Variants in SLC36A1 observed in about 807,000 individuals in gnomAD.
The protein encoded by SLC36A1 is solute carrier family 36 member 1.
In SLC36A1, 30 loss-of-function variants were observed where a neutral mutation model predicts 47.5. The ratio of observed to expected loss-of-function variants is 0.63; its 90% CI spans 0.47 to 0.86. The LOEUF (loss-of-function observed/expected upper bound fraction) is 0.86. SLC36A1 is among the 40% of genes least tolerant of loss of function. SLC36A1 has a pLI of 0.00. For synonymous variants in SLC36A1, 255 were observed against 249.7 expected (o/e 1.02, Z -0.20); for missense variants, 517 against 606.0 (o/e 0.85, Z 1.54).
chr5:151,421,836 C>A, the SLC36A1 span, among the ~76,000 whole-genome samples: 1 of 152,022 alleles, frequency 6.6e-6, no homozygotes, highest in African/African-American at 2.4e-5. Flanking sequence ...GTGATCCACC[C>A]GCCTCAGCCT....
the SLC36A1 span, chr5:151,550,835 G>A: frequency 1.2e-5 from 20 of 1,613,454 alleles, no homozygotes; most frequent in South Asian, 1.8e-4. Flanking sequence ...AACTGGGGCC[G>A]ATGGTGGTTA....
chr5:151,355,811 C>A, the SLC36A1 span, among the ~76,000 whole-genome samples: 1 of 152,092 alleles, frequency 6.6e-6, no homozygotes, highest in African/African-American at 2.4e-5. Context: ...CATACATCTC[C>A]AACTGCAAGA....
At chr5:151,537,205 A>G in the SLC36A1 span, among the ~76,000 whole-genome samples, 1 of 142,610 alleles carries the variant, frequency 7.0e-6, no homozygotes, top group African/African-American at 2.4e-5. Flanking sequence ...GAGAGAAAGA[A>G]GAAGAGGAAG....
At chr5:151,477,776 A>G (rs1303390706) in intron 9 of SLC36A1, among the ~76,000 whole-genome samples, 2 of 152,220 alleles carry the variant, frequency 1.3e-5, no homozygotes, top group Non-Finnish European at 2.9e-5. Flanking sequence ...CCAAGAAGGA[A>G]GAGGCAGGTG....
chr5:151,410,093 C>T, the SLC36A1 span, among the ~76,000 whole-genome samples: 2 of 152,138 alleles, frequency 1.3e-5, no homozygotes, highest in African/African-American at 4.8e-5. Flanking sequence ...AATTGAGGCA[C>T]AGAGATAACT....
chr5:151,523,990 A>T, the SLC36A1 span, among the ~76,000 whole-genome samples: 2 of 152,020 alleles, frequency 1.3e-5, no homozygotes, highest in Non-Finnish European at 2.9e-5. Context: ...ACTCCTATCA[A>T]TTTACATACA....
the SLC36A1 span, chr5:151,509,856 G>A: frequency 2.8e-6 from 2 of 722,392 alleles, no homozygotes; most frequent in South Asian, 2.3e-5. Flanking sequence ...ACCGGTCCCT[G>A]GTGCCAAAAA....
the SLC36A1 span, among the ~76,000 whole-genome samples, chr5:151,388,762 A>C: frequency 0.5 from 75,140 of 151,736 alleles, 20,618 homozygotes; most frequent in African/African-American, 0.75. Context: ...GGAAAAACTA[A>C]AAAATTGAAA....
the SLC36A1 span, among the ~76,000 whole-genome samples, chr5:151,500,749 AAGG>A: frequency 6.6e-6 from 1 of 152,338 alleles, no homozygotes; most frequent in Admixed American, 6.5e-5. Context: ...TGCTCAGTAA[AAGG>A]AGGCAGTAGA....
chr5:151,469,145 C>T (rs1169545034), intron 7 of SLC36A1: 1 of 604,134 alleles, frequency 1.7e-6, no homozygotes, highest in African/African-American at 1.9e-5. Context: ...AGTACATATT[C>T]ATTAAAATGC....
At chr5:151,378,567 G>A in the SLC36A1 span, 108,480 of 211,528 alleles carry the variant, frequency 0.51, 31,326 homozygotes, top group African/African-American at 0.86. Context: ...AATCCCTGTC[G>A]AGTCAGCCAG....
At chr5:151,351,773 T>A in the SLC36A1 span, among the ~76,000 whole-genome samples, 1 of 152,160 alleles carries the variant, frequency 6.6e-6, no homozygotes, top group Non-Finnish European at 1.5e-5. Context: ...GCCAGCATCA[T>A]CCCTCACTTG....
chr5:151,448,779 C>T (rs1397055780), intron 1 of SLC36A1, among the ~76,000 whole-genome samples: 1 of 152,202 alleles, frequency 6.6e-6, no homozygotes, highest in African/African-American at 2.4e-5. Flanking sequence ...GATATTTTGT[C>T]CTAGCTCTGC....
chr5:151,494,688 TTATC>T (rs1760289317), downstream of SLC36A1, among the ~76,000 whole-genome samples: 1 of 152,262 alleles, frequency 6.6e-6, no homozygotes, highest in Non-Finnish European at 1.5e-5. Flanking sequence ...CATAATTTGT[TTATC>T]CATTCATTAG....
chr5:151,523,433 C>T, the SLC36A1 span, among the ~76,000 whole-genome samples: 1 of 152,158 alleles, frequency 6.6e-6, no homozygotes, highest in Non-Finnish European at 1.5e-5. Context: ...AACTGAGGCT[C>T]AAAGAGGTGA....
At chr5:151,550,181 C>G in the SLC36A1 span, among the ~76,000 whole-genome samples, 1 of 152,092 alleles carries the variant, frequency 6.6e-6, no homozygotes, top group African/African-American at 2.4e-5. Flanking sequence ...AGGCACATGG[C>G]CCAGAGAGTG....
chr5:151,486,749 A>G (rs80106025), intron 10 of SLC36A1, among the ~76,000 whole-genome samples: 7,239 of 152,340 alleles, frequency 0.048, 171 homozygotes, highest in Non-Finnish European at 0.053. Flanking sequence ...GTCTGTATCA[A>G]GGCTGGGAGC....
At chr5:151,513,403 C>A in the SLC36A1 span, among the ~76,000 whole-genome samples, 1 of 152,244 alleles carries the variant, frequency 6.6e-6, no homozygotes, top group African/African-American at 2.4e-5. Context: ...CCATGGACAA[C>A]CATTCAGCCA....
intron 7 of SLC36A1, 138 bp from the exon 8 acceptor site, chr5:151,473,535 T>C (rs1757614801): frequency 1.6e-6 from 1 of 625,608 alleles, no homozygotes; most frequent in Non-Finnish European, 2.8e-6. Context: ...CTAAATCATC[T>C]GTCAGGTATT....
Sources: allele counts gnomAD v4.1 joint callset (sites outside exome capture counted in the v4.1 genomes callset), GRCh38; gene constraint gnomAD v4.1.1; transcripts MANE v1.5; gene names NCBI Gene and HGNC (gene_info 2026-07-23, HGNC 2026-07-21).